The following C2CD3 variants were observed in gnomAD, a reference collection of about 807,000 sequenced individuals.
The protein encoded by C2CD3 is C2 domain containing 3 centriole elongation regulator.
A neutral mutation model predicts 234.0 loss-of-function variants in C2CD3; 148 were observed. That is an observed-to-expected ratio of 0.63 (90% confidence interval 0.55 to 0.72). The LOEUF is 0.72. Among genes scored for constraint, C2CD3 ranks in the 30% least tolerant of loss-of-function variants. The pLI, the probability that C2CD3 is intolerant of heterozygous loss-of-function variation, is 0.00. For synonymous variants in C2CD3, 1,000 were observed against 1,035.4 expected, an observed-to-expected ratio of 0.97 and a Z score of 0.66; for missense variants, 2,577 against 2,811.5, an observed-to-expected ratio of 0.92 and a Z score of 1.89.
At chr11:74,125,910 A>G (rs185452834) in intron 7 of C2CD3, among the ~76,000 whole-genome samples, 46 of 152,174 alleles carry the variant, frequency 3.0e-4, no homozygotes, top group Admixed American at 2.1e-3. Context: ...GGATGCCCCA[A>G]TATGGACTGT....
intron 27 of C2CD3, 49 bp downstream of exon 27, chr11:74,049,288 T>G (rs574193061): frequency 1.9e-5 from 28 of 1,467,086 alleles, no homozygotes; most frequent in Non-Finnish European, 2.6e-5. Context: ...GATGTTCTTA[T>G]AGGTCAGTAC....
intron 11 of C2CD3, among the ~76,000 whole-genome samples, chr11:74,110,819 G>A (rs1478939739): frequency 6.6e-6 from 1 of 152,052 alleles, no homozygotes; most frequent in Admixed American, 6.5e-5. Flanking sequence ...TTTTTCAAGA[G>A]TTGAAAGGGA....
intron 11 of C2CD3, among the ~76,000 whole-genome samples, chr11:74,111,085 G>A (rs528175260): frequency 3.1e-4 from 47 of 152,272 alleles, no homozygotes; most frequent in South Asian, 1.7e-3. Context: ...TTTTGGAATC[G>A]AAACGGTGCT....
rs1956068677 is a variant in C2CD3 at position 74,095,386 on chromosome 11, A to T, written c.3002T>A (p.Leu1001Gln). Residue 1001 changes from leucine to glutamine, a missense_variant, in exon 17 of 33, where the codon CTG (leucine) becomes CAG (glutamine). Coordinates refer to ENST00000334126, the MANE Select transcript of C2CD3 (RefSeq NM_001286577.2). ...ATGGATCTCAAAGCAGTGCTCCATCAGTCCATTTCCTCGGTCCTCTGCCTA... is the reference window on the plus strand; with the variant it reads ...ATGGATCTCAAAGCAGTGCTCCATCTGTCCATTTCCTCGGTCCTCTGCCTA... Reference protein sequence around the residue: ...VAMAEDRGNGLMEHCFEIHIE... With the variant: ...VAMAEDRGNGQMEHCFEIHIE... 1.9e-6 allele frequency: 3 copies of T among 1,612,854 alleles called. No individual in the cohort carries two copies. In the African/African-American group the frequency reaches 4.0e-5, roughly 22 times the overall value.
In C2CD3 at chr11:74,093,983, G is replaced by T; in HGVS notation, c.3177C>A (p.Pro1059=). ...CACAGAGTGTGGTTGCAGTTCTGAA[G>T]GGCTTCAGAGTAATTCCTTTGGAAA... is the stretch of plus-strand genomic sequence containing the variant. ...EFLENGITLK[P]FRTATTLCVP... Residue 1059 remains proline, a synonymous_variant, in exon 18 of 33, where the codon CCC becomes CCA. Coordinates refer to ENST00000334126, the MANE Select transcript of C2CD3 (RefSeq NM_001286577.2). 6.2e-7 allele frequency: 1 copy of T among 1,613,280 alleles called. No homozygotes were observed. The highest frequency in any genetic ancestry group is 8.5e-7 in the Non-Finnish European group (1 of 1,179,360).
Position 74,139,827 on chromosome 11 carries a change from AC to A in C2CD3, c.484del (p.Val162SerfsTer23), listed in dbSNP as rs1384429966. Reference protein sequence around the residue: ...STSKKLGELQVSLALEPLSET... With the variant: ...STSKKLGELQXSLALEPLSET... Reference sequence around the variant, plus strand: ...TGACAGAGGTTCCAGGGCAAGTGAGACCTAAGAGAGACAGGTAGTATATGAG... The same window carrying A: ...TGACAGAGGTTCCAGGGCAAGTGAGACTAAGAGAGACAGGTAGTATATGAG... On this transcript the variant is annotated frameshift_variant and splice_region_variant, in exon 4 of 33. Coordinates refer to ENST00000334126, the MANE Select transcript of C2CD3 (RefSeq NM_001286577.2). LOFTEE classifies it high-confidence loss of function. The A allele has an allele frequency of 6.3e-6, 10 of 1,592,874 alleles. No individual in the cohort carries two copies. Among genetic ancestry groups the A allele is most frequent in the Non-Finnish European group, 8.6e-6 (10 of 1,160,906 alleles).
At chr11:74,057,573 A>G in intron 24 of C2CD3, 29 bp from the exon 25 acceptor site, 1 of 1,613,268 alleles carries the variant, frequency 6.2e-7, no homozygotes, top group Non-Finnish European at 8.5e-7. Context: ...CAGTGACTGT[A>G]CTTTAGGGTA....
At chr11:74,150,563 T>C in intron 3 of C2CD3, among the ~76,000 whole-genome samples, 1 of 129,468 alleles carries the variant, frequency 7.7e-6, no homozygotes, top group East Asian at 2.2e-4. Context: ...ACATATAAAA[T>C]TAGAAAAAAA....
intron 3 of C2CD3, among the ~76,000 whole-genome samples, chr11:74,159,656 T>A (rs1856309051): frequency 7.3e-6 from 1 of 136,734 alleles, no homozygotes; most frequent in Admixed American, 6.8e-5. Flanking sequence ...AGTCAAAAAG[T>A]TAAAAAAAAA....
intron 11 of C2CD3, chr11:74,109,498 T>C (rs888389919): frequency 5.6e-6 from 1 of 179,838 alleles, no homozygotes; most frequent in African/African-American, 2.3e-5. Flanking sequence ...AGTTTGTAGG[T>C]AGTATACTAA....
At chr11:74,152,091 C>T (rs770330101) in intron 3 of C2CD3, among the ~76,000 whole-genome samples, 1 of 152,078 alleles carries the variant, frequency 6.6e-6, no homozygotes, top group Non-Finnish European at 1.5e-5. Flanking sequence ...GTCTAAGATA[C>T]TTTGAAGTCT....
At position 74,094,055 on chromosome 11, in the gene C2CD3, C is replaced by T. The variant is rs1341761822; in HGVS notation, c.3161-56G>A. On this transcript the variant is annotated intron_variant, in intron 17 of 32. Coordinates refer to ENST00000334126, the MANE Select transcript of C2CD3 (RefSeq NM_001286577.2). ...CCAACATATGACTTAGTGTTTTCTT[C>T]TTCTTTCATGTTCTTCCAGTGAATA... 8 of 1,415,286 alleles carry T rather than the reference C, an allele frequency of 5.7e-6. No individual in the cohort carries two copies. In the Admixed American group the frequency reaches 1.3e-4, roughly 22 times the overall value. The allele number at this position is 1,415,286 out of a possible 1,614,324, so 87.7% of individuals were successfully genotyped here.
intron 7 of C2CD3, among the ~76,000 whole-genome samples, chr11:74,132,375 C>A (rs898241354): frequency 5.9e-5 from 9 of 152,092 alleles, no homozygotes; most frequent in Middle Eastern, 3.4e-3. Context: ...CAAAAAAAAA[C>A]CCCGCAAAAT....
At position 74,085,714 on chromosome 11, in the gene C2CD3, C is replaced by A; in HGVS notation, c.3814G>T (p.Val1272Leu). 6.2e-7 allele frequency: 1 copy of A among 1,614,120 alleles called. No individual in the cohort carries two copies. Among genetic ancestry groups the A allele is most frequent in the Non-Finnish European group, 8.5e-7 (1 of 1,180,018 alleles). ...SHHVEFTCNL[V>L]TQHCSGEACF... ...GCCTCTCCACTACAGTGCTGAGTCA[C>A]CAAGTTACATGTGAACTCAACGTGA... The change falls in exon 21 of 33, where the codon GTG (valine) becomes TTG (leucine). Residue 1272 changes from valine (V) to leucine (L), a missense_variant. Val to Leu is a conservative substitution (Grantham distance 32). Coordinates refer to ENST00000334126, the MANE Select transcript of C2CD3 (RefSeq NM_001286577.2).
chr11:74,150,515 ACAAAAAAAAAAC>A (rs1424807243), intron 3 of C2CD3, among the ~76,000 whole-genome samples: 18 of 65,394 alleles, frequency 2.8e-4, no homozygotes, highest in Admixed American at 5.3e-4. Context: ...AAAAAAAAAA[ACAAAAAAAAAAC>A]AAAACAAATT....
At chr11:74,066,274 A>T (rs1394206377) in intron 24 of C2CD3, among the ~76,000 whole-genome samples, 56 of 43,788 alleles carry the variant, frequency 1.3e-3, no homozygotes, top group Non-Finnish European at 1.7e-3. Flanking sequence ...AGGAGGGGGG[A>T]GGGATAGTGT....
At chr11:74,042,981 T>G (rs1434784719) in intron 28 of C2CD3, among the ~76,000 whole-genome samples, 1 of 152,234 alleles carries the variant, frequency 6.6e-6, no homozygotes, top group Non-Finnish European at 1.5e-5. Context: ...AACAATCTCT[T>G]TTTAATTCAC....
At chr11:74,050,049 G>C (rs988256795) in intron 26 of C2CD3, among the ~76,000 whole-genome samples, 1 of 151,968 alleles carries the variant, frequency 6.6e-6, no homozygotes, top group East Asian at 1.9e-4. Context: ...CAAAGTGTTG[G>C]GATTACACAT....
intron 7 of C2CD3, among the ~76,000 whole-genome samples, chr11:74,130,311 G>C (rs1413600884): frequency 6.7e-6 from 1 of 150,296 alleles, no homozygotes. Flanking sequence ...TTGTATCCTT[G>C]AACTCCTGGG....
Sources: allele counts gnomAD v4.1 joint callset (sites outside exome capture counted in the v4.1 genomes callset), GRCh38; gene constraint gnomAD v4.1.1; transcripts MANE v1.5; gene names NCBI Gene and HGNC (gene_info 2026-07-23, HGNC 2026-07-21).